Variants in CADM2 observed in about 807,000 individuals in gnomAD.
The protein encoded by CADM2 is immunoglobulin superfamily member 4D.
CADM2 carries 12 observed loss-of-function variants against 49.8 expected under a neutral mutation model. The observed-to-expected ratio is 0.24, with a 90% confidence interval of 0.15 to 0.39. CADM2 has a LOEUF of 0.39. CADM2 is among the 10% of genes least tolerant of loss of function. CADM2 has a pLI of 1.00. For missense variants in CADM2, 378 were observed against 492.3 expected, an observed-to-expected ratio of 0.77 and a Z score of 2.20; for synonymous variants, 214 against 175.4, an observed-to-expected ratio of 1.22 and a Z score of -1.74.
At chr3:85,609,598 G>T (rs992593903) in intron 1 of CADM2, among the ~76,000 whole-genome samples, 2 of 152,046 alleles carry the variant, frequency 1.3e-5, no homozygotes, top group Non-Finnish European at 2.9e-5. Context: ...TAGATTTACA[G>T]CCTGGAATTT....
At chr3:85,732,617 T>G (rs954299755) in intron 2 of CADM2, among the ~76,000 whole-genome samples, 4 of 152,142 alleles carry the variant, frequency 2.6e-5, no homozygotes, top group Admixed American at 2.6e-4. Context: ...TTACTGCAGC[T>G]TTTTTCTAAC....
intron 1 of CADM2, among the ~76,000 whole-genome samples, chr3:85,313,844 G>C (rs915681866): frequency 6.6e-6 from 1 of 152,160 alleles, no homozygotes; most frequent in Admixed American, 6.5e-5. Flanking sequence ...AATGGAAAAT[G>C]TGTAGGAAAG....
intron 1 of CADM2, among the ~76,000 whole-genome samples, chr3:85,573,809 A>G (rs913134446): frequency 6.6e-6 from 1 of 152,152 alleles, no homozygotes; most frequent in Admixed American, 6.5e-5. Context: ...TGTGACTACT[A>G]ATGTCTAATC....
chr3:85,091,252 A>C (rs1245274597), intron 1 of CADM2, among the ~76,000 whole-genome samples: 1 of 152,140 alleles, frequency 6.6e-6, no homozygotes, highest in Non-Finnish European at 1.5e-5. Flanking sequence ...TTAAGGACAA[A>C]CATCCTGCAT....
At chr3:85,058,609 T>G (rs530235719) in intron 1 of CADM2, among the ~76,000 whole-genome samples, 204 of 152,142 alleles carry the variant, frequency 1.3e-3, no homozygotes, top group African/African-American at 4.7e-3. Context: ...CACACCTGGC[T>G]AATTTTGTAT....
At chr3:85,107,979 G>A (rs997747837) in intron 1 of CADM2, among the ~76,000 whole-genome samples, 13 of 151,978 alleles carry the variant, frequency 8.6e-5, no homozygotes, top group African/African-American at 2.9e-4. Flanking sequence ...CTGGATAACA[G>A]GTGTGAGCCT....
intron 1 of CADM2, among the ~76,000 whole-genome samples, chr3:85,497,121 G>A (rs1435890558): frequency 3.9e-5 from 6 of 152,176 alleles, no homozygotes; most frequent in African/African-American, 1.4e-4. Flanking sequence ...TGGGATTACA[G>A]GCATGAGTAT....
intron 1 of CADM2, among the ~76,000 whole-genome samples, chr3:85,024,769 G>C (rs2034654519): frequency 1.3e-5 from 2 of 151,604 alleles, no homozygotes; most frequent in Admixed American, 1.3e-4. Context: ...GCTGTGTAAA[G>C]GAAGCAAGTT....
intron 1 of CADM2, among the ~76,000 whole-genome samples, chr3:85,249,502 T>C (rs1398206159): frequency 6.6e-6 from 1 of 152,020 alleles, no homozygotes; most frequent in Non-Finnish European, 1.5e-5. Context: ...TGTGATGGCT[T>C]CAGTAACTTT....
chr3:85,813,098 A>G (rs558015411), intron 3 of CADM2, among the ~76,000 whole-genome samples: 20 of 152,278 alleles, frequency 1.3e-4, no homozygotes, highest in African/African-American at 4.1e-4. Context: ...TGGTATTTCT[A>G]GTTCTAGATC....
rs535500366 is a variant in CADM2, at chr3:85,569,621, T to C, written c.62-156901T>C. ...TGAATATTTTATTTTAGCATTCCGA[T>C]AGGTGTGTAGTGTCATCCTAGGTTT... On this transcript the variant is annotated intron_variant, in intron 1 of 9. Transcript: ENST00000383699. 5.3e-5 allele frequency among the ~76,000 whole-genome samples: 8 copies of C among 150,878 alleles called. No individual in the cohort carries two copies. In the South Asian group the frequency reaches 1.5e-3, roughly 27 times the overall value.
chr3:85,358,183 G>T (rs1471049671), intron 1 of CADM2, among the ~76,000 whole-genome samples: 1 of 152,028 alleles, frequency 6.6e-6, no homozygotes, highest in Non-Finnish European at 1.5e-5. Flanking sequence ...CCACCTAGAT[G>T]CCAGTAGCAT....
chr3:85,342,354 T>C (rs1331099118), intron 1 of CADM2, among the ~76,000 whole-genome samples: 1 of 152,044 alleles, frequency 6.6e-6, no homozygotes, highest in Non-Finnish European at 1.5e-5. Context: ...AATTTTACCA[T>C]TTAGTAGGAA....
chr3:85,839,496 T>A (rs2074547130), intron 3 of CADM2, among the ~76,000 whole-genome samples: 1 of 151,844 alleles, frequency 6.6e-6, no homozygotes, highest in Admixed American at 6.6e-5. Flanking sequence ...TTTTTGGTTT[T>A]AACCTTAGGA....
rs996829279 is a variant in CADM2 at position 85,855,567 on chromosome 3, TTA to T, written c.239-27713_239-27712del. Among the ~76,000 whole-genome samples the T allele has an allele frequency of 2.3e-3, 321 of 138,832 alleles. 4 individuals carry two copies. Among genetic ancestry groups the T allele is most frequent in the African/African-American group, 8.1e-3 (309 of 38,046 alleles). The allele number at this position is 138,832 out of a possible 152,430, so 91.1% of individuals were successfully genotyped here. A position where few individuals can be genotyped will look rare whatever the true frequency, so the allele number is the denominator to read the frequency against. On this transcript the variant is annotated intron_variant, in intron 3 of 9. Transcript: ENST00000383699. ...ATTGTTTATTTTTATATATTTATAT[TTA>T]TATATATATAAAAAACATATATATA...
chr3:85,370,340 T>C (rs2033134680), intron 1 of CADM2, among the ~76,000 whole-genome samples: 4 of 151,502 alleles, frequency 2.6e-5, no homozygotes, highest in Admixed American at 2.6e-4. Context: ...GAGAATTGCT[T>C]GACCGCGGGA....
chr3:85,507,247 G>A (rs544482092), intron 1 of CADM2, among the ~76,000 whole-genome samples: 5 of 148,822 alleles, frequency 3.4e-5, no homozygotes, highest in South Asian at 2.1e-4. Context: ...GCAGTGGTGC[G>A]ATCTCGGCTT....
At chr3:85,156,541 G>C (rs2040129452) in intron 1 of CADM2, among the ~76,000 whole-genome samples, 2 of 151,976 alleles carry the variant, frequency 1.3e-5, no homozygotes, top group African/African-American at 4.8e-5. Flanking sequence ...AATTCTACCA[G>C]AGGTACAAGG....
chr3:85,649,798 C>T (rs146993647), intron 1 of CADM2, among the ~76,000 whole-genome samples: 5 of 152,186 alleles, frequency 3.3e-5, no homozygotes, highest in African/African-American at 1.2e-4. Context: ...TGGCTCAGTC[C>T]AGTTATAAAT....
Sources: gnomAD v4.1 joint callset for allele counts (sites outside exome capture counted in the v4.1 genomes callset) on GRCh38, gnomAD v4.1.1 for gene constraint, MANE v1.5 for transcripts, NCBI Gene and HGNC (gene_info 2026-07-23, HGNC 2026-07-21) for gene names.